The following PTPRM variants were observed in gnomAD, a reference collection of about 807,000 sequenced individuals.
The protein encoded by PTPRM is protein tyrosine phosphatase receptor type M, also known as receptor-type tyrosine-protein phosphatase mu.
Under a neutral mutation model 186.7 loss-of-function variants are expected in PTPRM, and 47 were observed. That is an observed-to-expected ratio of 0.25 (90% CI 0.20 to 0.32). PTPRM has a LOEUF of 0.32. PTPRM is among the 10% of genes least tolerant of loss of function. The pLI, the probability that PTPRM is intolerant of heterozygous loss-of-function variation, is 1.00. For synonymous variants in PTPRM, 668 were observed against 674.9 expected, an observed-to-expected ratio of 0.99 and a Z score of 0.16; for missense variants, 1,494 against 1,865.0, an observed-to-expected ratio of 0.80 and a Z score of 3.66.
intron 14 of PTPRM, among the ~76,000 whole-genome samples, chr18:8,176,692 T>C (rs183396667): frequency 2.4e-4 from 37 of 152,338 alleles, no homozygotes; most frequent in African/African-American, 7.9e-4. Flanking sequence ...GAAGATTAAC[T>C]GCAGGCGCAC....
intron 2 of PTPRM, among the ~76,000 whole-genome samples, chr18:7,885,724 A>G (rs2048750869): frequency 6.6e-6 from 1 of 152,150 alleles, no homozygotes; most frequent in South Asian, 2.1e-4. Flanking sequence ...TTATACCTGA[A>G]TTTCACCTGG....
At chr18:8,152,410 A>C (rs2093029523) in intron 14 of PTPRM, among the ~76,000 whole-genome samples, 1 of 152,114 alleles carries the variant, frequency 6.6e-6, no homozygotes, top group African/African-American at 2.4e-5. Context: ...GTCTCCCTCC[A>C]TTTATGGTTC....
At chr18:8,358,379 C>T (rs1256949874) in intron 23 of PTPRM, among the ~76,000 whole-genome samples, 1 of 152,128 alleles carries the variant, frequency 6.6e-6, no homozygotes, top group Non-Finnish European at 1.5e-5. Context: ...GAGTGCAGAC[C>T]ATGGTCTCTC....
Position 7,725,257 on chromosome 18 carries a change from G to C in PTPRM, c.74-48892G>C, listed in dbSNP as rs545580686. 2.6e-5 allele frequency among the ~76,000 whole-genome samples: 4 copies of C among 152,234 alleles called. No individual in the cohort carries two copies. The East Asian group carries it at 7.7e-4, about 29-fold the overall frequency. The stretch of plus-strand genomic sequence containing the variant: ...TCCTTTTGTAAGGCAACTTTTTTGA[G>C]ATATAATCCACACATTGTACAGTTC... On this transcript the variant is annotated intron_variant, in intron 1 of 32. Coordinates refer to ENST00000580170, the MANE Select transcript of PTPRM (RefSeq NM_001105244.2).
intron 1 of PTPRM, among the ~76,000 whole-genome samples, chr18:7,699,335 A>AT (rs2144696237): frequency 6.6e-6 from 1 of 152,098 alleles, no homozygotes; most frequent in Non-Finnish European, 1.5e-5. Flanking sequence ...TCGAAAATAT[A>AT]TTTTTCTACT....
intron 6 of PTPRM, among the ~76,000 whole-genome samples, chr18:7,954,276 T>G (rs147060275): frequency 2.4e-4 from 36 of 152,294 alleles, no homozygotes; most frequent in African/African-American, 8.4e-4. Context: ...GATTTCTTAG[T>G]TTTATCAAGC....
At chr18:7,727,304 T>G (rs1472536407) in intron 1 of PTPRM, among the ~76,000 whole-genome samples, 1 of 152,220 alleles carries the variant, frequency 6.6e-6, no homozygotes, top group Non-Finnish European at 1.5e-5. Context: ...GTCAGTTTTT[T>G]GTGTACACAT....
chr18:8,126,585 A>C (rs542765746), intron 13 of PTPRM, among the ~76,000 whole-genome samples: 49 of 152,174 alleles, frequency 3.2e-4, no homozygotes, highest in African/African-American at 1.1e-3. Context: ...TCTACTTCCC[A>C]CCAGTCAGAT....
At chr18:8,366,096 C>A (rs2095627612) in intron 23 of PTPRM, among the ~76,000 whole-genome samples, 1 of 152,166 alleles carries the variant, frequency 6.6e-6, no homozygotes, top group Non-Finnish European at 1.5e-5. Flanking sequence ...TCCCTCCCCC[C>A]AGCTAAGTGA....
At chr18:8,277,346 G>A (rs2094848380) in intron 19 of PTPRM, among the ~76,000 whole-genome samples, 1 of 152,178 alleles carries the variant, frequency 6.6e-6, no homozygotes, top group Non-Finnish European at 1.5e-5. Context: ...TTTTATTTGT[G>A]TTGTTTGTAT....
chr18:7,799,132 A>T (rs2043822235), intron 2 of PTPRM, among the ~76,000 whole-genome samples: 2 of 152,320 alleles, frequency 1.3e-5, no homozygotes, highest in South Asian at 4.1e-4. Flanking sequence ...GGAGGCTGGG[A>T]TATCCAAGAC....
At chr18:7,826,884 A>G (rs573534419) in intron 2 of PTPRM, among the ~76,000 whole-genome samples, 29 of 152,174 alleles carry the variant, frequency 1.9e-4, no homozygotes, top group Non-Finnish European at 4.1e-4. Flanking sequence ...GGTTGAGGCC[A>G]GGAGTTAGAG....
chr18:7,916,625 AT>A lies in PTPRM; in HGVS notation c.548-9942del, dbSNP rs1218118578. ...TGAGTCCTTTTCTTTTTTAAAAAAA[AT>A]GTTATTTTATTTTAAATAATAAAAA... On this transcript the variant is annotated intron_variant, in intron 4 of 32. Coordinates refer to ENST00000580170, the MANE Select transcript of PTPRM (RefSeq NM_001105244.2). 1.4e-4 allele frequency among the ~76,000 whole-genome samples: 21 copies of A among 152,128 alleles called. No homozygotes were observed. In the East Asian group the frequency reaches 3.7e-3, roughly 27 times the overall value.
intron 8 of PTPRM, among the ~76,000 whole-genome samples, chr18:8,072,694 GT>G (rs2089561094): frequency 6.6e-6 from 1 of 151,920 alleles, no homozygotes; most frequent in African/African-American, 2.4e-5. Flanking sequence ...TTGAAATACA[GT>G]TTTTTTCATC....
intron 2 of PTPRM, among the ~76,000 whole-genome samples, chr18:7,848,029 A>G (rs544464141): frequency 6.6e-6 from 1 of 152,176 alleles, no homozygotes; most frequent in African/African-American, 2.4e-5. Flanking sequence ...AAACTTAATG[A>G]GTCTGAATTC....
At chr18:7,671,077 GTTGA>G (rs2039208063) in intron 1 of PTPRM, among the ~76,000 whole-genome samples, 2 of 152,078 alleles carry the variant, frequency 1.3e-5, no homozygotes, top group Admixed American at 6.5e-5. Flanking sequence ...CATTTTTATC[GTTGA>G]ATGAGTCCCT....
Position 8,143,142 on chromosome 18 carries a change from T to TA in PTPRM, c.2168-499dup, listed in dbSNP as rs1046141524. On this transcript the variant is annotated intron_variant, in intron 13 of 32. Coordinates refer to ENST00000580170, the MANE Select transcript of PTPRM (RefSeq NM_001105244.2). Reference sequence around the variant, plus strand: ...GCAGGGGGAAAAAACTCTATTGTGTTAAAAAACAATTGCTGGTAAAAATGC... The same window carrying TA: ...GCAGGGGGAAAAAACTCTATTGTGTTAAAAAAACAATTGCTGGTAAAAATGC... 1.4e-4 allele frequency among the ~76,000 whole-genome samples: 22 copies of TA among 152,126 alleles called. No homozygotes were observed. The South Asian group carries it at 2.3e-3, about 16-fold the overall frequency.
At chr18:8,262,226 C>G (rs564677855) in intron 19 of PTPRM, among the ~76,000 whole-genome samples, 3 of 152,296 alleles carry the variant, frequency 2.0e-5, no homozygotes, top group Non-Finnish European at 4.4e-5. Flanking sequence ...TCTGTGCCAT[C>G]GGAAGAGTCC....
intron 14 of PTPRM, among the ~76,000 whole-genome samples, chr18:8,236,404 A>G (rs1057181013): frequency 1.3e-5 from 2 of 151,946 alleles, no homozygotes; most frequent in African/African-American, 4.8e-5. Flanking sequence ...TTTTCCTTTG[A>G]TTAGTGTTAG....
Sources: gnomAD v4.1 joint callset for allele counts (sites outside exome capture counted in the v4.1 genomes callset) on GRCh38, gnomAD v4.1.1 for gene constraint, MANE v1.5 for transcripts, NCBI Gene and HGNC (gene_info 2026-07-23, HGNC 2026-07-21) for gene names.